Variants in KLHL32 observed in about 807,000 individuals in gnomAD.
KLHL32 encodes kelch like family member 32, also known as kelch-like protein 32.
Under a neutral mutation model 64.8 loss-of-function variants are expected in KLHL32, and 35 were observed. The ratio of observed to expected loss-of-function variants is 0.54; its 90% confidence interval spans 0.41 to 0.72. The LOEUF is 0.72. Among genes scored for constraint, KLHL32 ranks in the 30% least tolerant of loss-of-function variants. The pLI is 0.00. For missense variants in KLHL32, 589 were observed against 768.5 expected (o/e 0.77, Z 2.76); for synonymous variants, 259 against 281.0 (o/e 0.92, Z 0.78).
At chr6:96,981,066 T>G (rs1161935373) in intron 3 of KLHL32, among the ~76,000 whole-genome samples, 1 of 152,088 alleles carries the variant, frequency 6.6e-6, no homozygotes, top group Non-Finnish European at 1.5e-5. Flanking sequence ...GAGAACTCAC[T>G]CACTATCACA....
At chr6:96,961,757 T>C (rs552861722) in intron 1 of KLHL32, among the ~76,000 whole-genome samples, 2 of 152,288 alleles carry the variant, frequency 1.3e-5, no homozygotes, top group Admixed American at 1.3e-4. Context: ...GCTGTATGGT[T>C]CTTCATAGGA....
At chr6:97,103,959 C>CATCAA in intron 6 of KLHL32, among the ~76,000 whole-genome samples, 1 of 152,312 alleles carries the variant, frequency 6.6e-6, no homozygotes, top group South Asian at 2.1e-4. Context: ...GAGACTCTCT[C>CATCAA]ATCAACTAAT....
At chr6:97,026,104 A>G (rs946121) in intron 3 of KLHL32, among the ~76,000 whole-genome samples, 12,087 of 152,112 alleles carry the variant, frequency 0.079, 614 homozygotes, top group Non-Finnish European at 0.12. Context: ...TTATATATAT[A>G]TAAATGTTCA....
chr6:97,035,043 G>T (rs371663899), intron 3 of KLHL32, among the ~76,000 whole-genome samples: 1 of 151,816 alleles, frequency 6.6e-6, no homozygotes, highest in Non-Finnish European at 1.5e-5. Context: ...GAATAAAAGC[G>T]GTCTCTCGTC....
intron 3 of KLHL32, among the ~76,000 whole-genome samples, chr6:97,004,487 G>C (rs2128082889): frequency 6.6e-6 from 1 of 152,224 alleles, no homozygotes; most frequent in South Asian, 2.1e-4. Context: ...TTTCCTGATT[G>C]TTCTGGCTAG....
chr6:97,091,231 C>T (rs1582994897), intron 6 of KLHL32, among the ~76,000 whole-genome samples: 4 of 152,224 alleles, frequency 2.6e-5, no homozygotes, highest in South Asian at 2.1e-4. Flanking sequence ...CAAAACAAAA[C>T]GAAACAGAAA....
intron 6 of KLHL32, among the ~76,000 whole-genome samples, chr6:97,087,966 C>T (rs1562323064): frequency 6.6e-6 from 1 of 152,068 alleles, no homozygotes; most frequent in African/African-American, 2.4e-5. Context: ...TGTAAAATAC[C>T]CCAAGATGAT....
At chr6:97,059,713 C>T (rs1393327428) in intron 4 of KLHL32, among the ~76,000 whole-genome samples, 1 of 152,178 alleles carries the variant, frequency 6.6e-6, no homozygotes, top group African/African-American at 2.4e-5. Flanking sequence ...AGAAATTTCT[C>T]ATAGCTAGAT....
Position 97,055,826 on chromosome 6 carries a change from C to CT in KLHL32, c.313-8800dup, listed in dbSNP as rs995166252. On this transcript the variant is annotated intron_variant, in intron 4 of 10. Coordinates refer to ENST00000369261, the MANE Select transcript of KLHL32 (RefSeq NM_052904.4). Reference sequence around the variant, plus strand: ...AAAAAAAAAAAAAAAAAAAAAACCCCTTCTTATTTCTATATTCCTCTTGAG... The same window carrying CT: ...AAAAAAAAAAAAAAAAAAAAAACCCCTTTCTTATTTCTATATTCCTCTTGAG... 7.5e-5 allele frequency among the ~76,000 whole-genome samples: 8 copies of CT among 106,398 alleles called. 1 individual carries two copies. Among genetic ancestry groups the CT allele is most frequent in the Admixed American group, 2.8e-4 (3 of 10,844 alleles). 69.8% of individuals were successfully genotyped at this position (106,398 alleles called of 152,430 possible). A position where few individuals can be genotyped will look rare whatever the true frequency, so the allele number is the denominator to read the frequency against.
chr6:96,986,281 T>TA (rs1439583396), intron 3 of KLHL32, among the ~76,000 whole-genome samples: 1 of 152,096 alleles, frequency 6.6e-6, no homozygotes, highest in African/African-American at 2.4e-5. Flanking sequence ...AGTCTGCCCC[T>TA]AATGGGGGGG....
chr6:97,129,680 G>T (rs1799229701), intron 8 of KLHL32, among the ~76,000 whole-genome samples: 1 of 152,142 alleles, frequency 6.6e-6, no homozygotes, highest in South Asian at 2.1e-4. Flanking sequence ...TCAGGAGTTT[G>T]TGACCAGCCT....
intron 1 of KLHL32, among the ~76,000 whole-genome samples, chr6:96,941,997 C>T (rs62413861): frequency 0.1 from 15,210 of 152,222 alleles, 817 homozygotes; most frequent in Middle Eastern, 0.16. Flanking sequence ...CAGAAAAAGA[C>T]TGGCATATGT....
At chr6:96,981,970 T>C (rs891317632) in intron 3 of KLHL32, among the ~76,000 whole-genome samples, 6 of 152,140 alleles carry the variant, frequency 3.9e-5, no homozygotes, top group African/African-American at 1.2e-4. Flanking sequence ...TTATGGCTAA[T>C]TGAGTCATCA....
chr6:96,992,567 G>C (rs1180748069), intron 3 of KLHL32, among the ~76,000 whole-genome samples: 2 of 152,218 alleles, frequency 1.3e-5, no homozygotes, highest in African/African-American at 2.4e-5. Context: ...TCGCACATTT[G>C]TGTATGTGTG....
At chr6:96,981,440 G>T (rs558912581) in intron 3 of KLHL32, among the ~76,000 whole-genome samples, 2 of 151,906 alleles carry the variant, frequency 1.3e-5, no homozygotes, top group East Asian at 3.9e-4. Flanking sequence ...TGGATTTTCT[G>T]TCTTTCTTTT....
At chr6:97,001,267 G>A (rs1778998488) in intron 3 of KLHL32, among the ~76,000 whole-genome samples, 1 of 152,088 alleles carries the variant, frequency 6.6e-6, no homozygotes, top group South Asian at 2.1e-4. Context: ...TTGTGGAGGG[G>A]GAAGGAGCTA....
At chr6:97,102,186 A>G (rs1464064082) in intron 6 of KLHL32, among the ~76,000 whole-genome samples, 1 of 151,226 alleles carries the variant, frequency 6.6e-6, no homozygotes, top group Non-Finnish European at 1.5e-5. Flanking sequence ...CAAGTCCTGT[A>G]TTCTTTTCCT....
At chr6:97,061,026 T>C (rs1788798690) in intron 4 of KLHL32, among the ~76,000 whole-genome samples, 1 of 152,112 alleles carries the variant, frequency 6.6e-6, no homozygotes, top group Non-Finnish European at 1.5e-5. Context: ...GATCATCTCA[T>C]TACTTGGTGA....
At chr6:97,106,059 C>A (rs1000312146) in intron 6 of KLHL32, among the ~76,000 whole-genome samples, 1 of 152,048 alleles carries the variant, frequency 6.6e-6, no homozygotes, top group African/African-American at 2.4e-5. Flanking sequence ...TATATACAAG[C>A]AGTTGGAATT....
Sources: gnomAD v4.1 joint callset for allele counts (sites outside exome capture counted in the v4.1 genomes callset) on GRCh38, gnomAD v4.1.1 for gene constraint, MANE v1.5 for transcripts, NCBI Gene and HGNC (gene_info 2026-07-23, HGNC 2026-07-21) for gene names.